CADPS2: variants seen among roughly 807,000 people sequenced by gnomAD.
The protein encoded by CADPS2 is calcium dependent secretion activator 2.
CADPS2 carries 93 observed loss-of-function variants against 172.5 expected under a neutral mutation model. The observed-to-expected ratio is 0.54, with a 90% CI of 0.46 to 0.64. CADPS2 has a LOEUF of 0.64. CADPS2 is among the 30% of genes least tolerant of loss of function. The probability of loss-of-function intolerance (pLI) is 0.00; values close to 1 mark genes in which losing one functional copy is unlikely to be tolerated. For missense variants in CADPS2, 1,420 were observed against 1,565.9 expected, an observed-to-expected ratio of 0.91 and a Z score of 1.57; for synonymous variants, 546 against 555.2, an observed-to-expected ratio of 0.98 and a Z score of 0.23.
chr7:122,593,317 G>A (rs533327733), intron 6 of CADPS2, among the ~76,000 whole-genome samples: 33 of 151,936 alleles, frequency 2.2e-4, no homozygotes, highest in South Asian at 4.2e-4. Context: ...AAAAAAGACC[G>A]ATTAAATAAC....
chr7:122,797,202 G>A (rs1239306084), intron 1 of CADPS2, among the ~76,000 whole-genome samples: 1 of 151,998 alleles, frequency 6.6e-6, no homozygotes, highest in Non-Finnish European at 1.5e-5. Context: ...TCAAATAACA[G>A]ATGATGGTGA....
intron 1 of CADPS2, among the ~76,000 whole-genome samples, chr7:122,837,973 C>CAA (rs199925802): frequency 0.011 from 1,681 of 152,030 alleles, 30 homozygotes; most frequent in African/African-American, 0.039. Context: ...AGAGACACAA[C>CAA]AAAAAAAGAG....
At chr7:122,825,376 G>C (rs1804588647) in intron 1 of CADPS2, among the ~76,000 whole-genome samples, 1 of 152,170 alleles carries the variant, frequency 6.6e-6, no homozygotes, top group Admixed American at 6.5e-5. Flanking sequence ...CTCATACAGA[G>C]TGATCTCAAG....
At chr7:122,563,789 G>C (rs1019307131) in intron 7 of CADPS2, among the ~76,000 whole-genome samples, 1 of 152,062 alleles carries the variant, frequency 6.6e-6, no homozygotes, top group Non-Finnish European at 1.5e-5. Flanking sequence ...TAAAGTTATG[G>C]CAAAATGTTT....
intron 2 of CADPS2, chr7:122,702,670 A>T: frequency 6.2e-7 from 1 of 1,613,124 alleles, no homozygotes; most frequent in Non-Finnish European, 8.5e-7. Context: ...CAGGAAAGCT[A>T]AGTAGTAGAA....
chr7:122,763,334 G>A (rs554463966), intron 1 of CADPS2, among the ~76,000 whole-genome samples: 1 of 152,248 alleles, frequency 6.6e-6, no homozygotes, highest in East Asian at 1.9e-4. Flanking sequence ...AAGCAAAGGG[G>A]ATAGTGTGAT....
intron 6 of CADPS2, among the ~76,000 whole-genome samples, chr7:122,613,308 T>G (rs916863065): frequency 7.2e-5 from 11 of 152,078 alleles, no homozygotes; most frequent in Non-Finnish European, 1.0e-4. Context: ...ATAGAGGAAC[T>G]CTTAAAACTT....
At chr7:122,391,298 C>T (rs2044335880) in intron 22 of CADPS2, among the ~76,000 whole-genome samples, 2 of 151,836 alleles carry the variant, frequency 1.3e-5, no homozygotes, top group Non-Finnish European at 2.9e-5. Flanking sequence ...TTACAAAGCC[C>T]CAATTTGTCA....
chr7:122,592,479 C>T (rs2070996725), intron 6 of CADPS2, among the ~76,000 whole-genome samples: 1 of 152,106 alleles, frequency 6.6e-6, no homozygotes, highest in Non-Finnish European at 1.5e-5. Flanking sequence ...CCAGCCATCC[C>T]ATTACTGGGT....
chr7:122,342,536 A>G (rs929611237), intron 28 of CADPS2, among the ~76,000 whole-genome samples: 4 of 152,198 alleles, frequency 2.6e-5, no homozygotes, highest in African/African-American at 9.6e-5. Context: ...TTAGTATTAC[A>G]TGCTTTCCAA....
At chr7:122,785,629 T>C (rs187755097) in intron 1 of CADPS2, among the ~76,000 whole-genome samples, 1 of 152,278 alleles carries the variant, frequency 6.6e-6, no homozygotes, top group Admixed American at 6.5e-5. Flanking sequence ...TGCCCTCCTC[T>C]TGGGCTCAAG....
chr7:122,796,591 C>T (rs1055251671), intron 1 of CADPS2, among the ~76,000 whole-genome samples: 1 of 152,076 alleles, frequency 6.6e-6, no homozygotes, highest in African/African-American at 2.4e-5. Flanking sequence ...CTTCAACAAA[C>T]CTGACAAAAC....
At chr7:122,814,803 G>A (rs548837218) in intron 1 of CADPS2, among the ~76,000 whole-genome samples, 4 of 152,118 alleles carry the variant, frequency 2.6e-5, no homozygotes, top group South Asian at 2.1e-4. Context: ...ACAGCATTTC[G>A]CTATTTTATT....
intron 2 of CADPS2, chr7:122,681,680 G>C: frequency 1.7e-6 from 2 of 1,168,080 alleles, no homozygotes; most frequent in Middle Eastern, 2.7e-4. Context: ...AGTTCTTAAA[G>C]ACTGAAGACA....
intron 2 of CADPS2, among the ~76,000 whole-genome samples, chr7:122,671,415 G>A (rs2135558124): frequency 6.6e-6 from 1 of 152,248 alleles, no homozygotes; most frequent in East Asian, 1.9e-4. Context: ...TGCAGAGGAA[G>A]AAATCACAAA....
At chr7:122,576,990 A>G (rs1371598041) in intron 7 of CADPS2, among the ~76,000 whole-genome samples, 1 of 151,766 alleles carries the variant, frequency 6.6e-6, no homozygotes, top group African/African-American at 2.4e-5. Context: ...TGAACTCCTG[A>G]CCTCAGGTGA....
At chr7:122,549,070 T>C (rs1292929608) in intron 8 of CADPS2, among the ~76,000 whole-genome samples, 1 of 152,228 alleles carries the variant, frequency 6.6e-6, no homozygotes, top group Non-Finnish European at 1.5e-5. Context: ...CATTTTCTTT[T>C]GAATAAAGTC....
chr7:122,465,811 G>A (rs1010015050), intron 14 of CADPS2, among the ~76,000 whole-genome samples: 2 of 152,156 alleles, frequency 1.3e-5, no homozygotes, highest in African/African-American at 2.4e-5. Flanking sequence ...TTCATTTTGT[G>A]TGGCTACAGT....
chr7:122,455,392 TAATAATAATATTTATTA>T lies in CADPS2; in HGVS notation c.2187-3934_2187-3918del, dbSNP rs548164173. Reference sequence around the variant, plus strand: ...CATTCCCATAGACCTTTCTATTTTTTAATAATAATATTTATTAAATAATAATATTTAATAAAAATGTT... The same window carrying T: ...CATTCCCATAGACCTTTCTATTTTTTAATAATAATATTTAATAAAAATGTT... On this transcript the variant is annotated intron_variant, in intron 14 of 29. Coordinates refer to ENST00000449022, the MANE Select transcript of CADPS2 (RefSeq NM_017954.11). 2.4e-3 allele frequency among the ~76,000 whole-genome samples: 362 copies of T among 151,666 alleles called. 2 individuals carry two copies. Among genetic ancestry groups the T allele is most frequent in the African/African-American group, 7.8e-3 (325 of 41,456 alleles).
Sources: gnomAD v4.1 joint callset for allele counts (sites outside exome capture counted in the v4.1 genomes callset) on GRCh38, gnomAD v4.1.1 for gene constraint, MANE v1.5 for transcripts, NCBI Gene and HGNC (gene_info 2026-07-23, HGNC 2026-07-21) for gene names.